SDC2: variants seen among roughly 807,000 people sequenced by gnomAD.
SDC2 encodes the protein syndecan-2.
SDC2 carries 13 observed loss-of-function variants against 22.2 expected under a neutral mutation model. The ratio of observed to expected loss-of-function variants is 0.59; its 90% confidence interval spans 0.38 to 0.93. SDC2 has a LOEUF of 0.93. Among genes scored for constraint, SDC2 ranks in the 40% least tolerant of loss-of-function variants. The pLI is 0.00. For missense variants in SDC2, 235 were observed against 246.8 expected, an observed-to-expected ratio of 0.95 and a Z score of 0.32; for synonymous variants, 94 against 92.8, an observed-to-expected ratio of 1.01 and a Z score of -0.07.
intron 1 of SDC2, among the ~76,000 whole-genome samples, chr8:96,568,184 G>A (rs536242918): frequency 6.6e-5 from 10 of 152,262 alleles, no homozygotes; most frequent in South Asian, 6.2e-4. Flanking sequence ...CAAAGCCTGC[G>A]GGTTTTCCTC....
chr8:96,522,651 G>GTATTATAT (rs1813514396), intron 1 of SDC2, among the ~76,000 whole-genome samples: 1 of 152,138 alleles, frequency 6.6e-6, no homozygotes, highest in Non-Finnish European at 1.5e-5. Context: ...TCTAGTTTAT[G>GTATTATAT]GGATGTATTA....
chr8:96,508,178 C>G (rs951708319), intron 1 of SDC2, among the ~76,000 whole-genome samples: 2 of 152,010 alleles, frequency 1.3e-5, no homozygotes, highest in Non-Finnish European at 2.9e-5. Context: ...CGCCTGTGGT[C>G]CCAGCTACTT....
At chr8:96,551,529 A>G (rs921369148) in intron 1 of SDC2, among the ~76,000 whole-genome samples, 1 of 152,180 alleles carries the variant, frequency 6.6e-6, no homozygotes, top group African/African-American at 2.4e-5. Flanking sequence ...GAGACAGAGC[A>G]GTTCAGTAAC....
At chr8:96,557,563 G>T (rs1411660364) in intron 1 of SDC2, among the ~76,000 whole-genome samples, 5 of 150,098 alleles carry the variant, frequency 3.3e-5, no homozygotes, top group African/African-American at 1.2e-4. Context: ...CTCATAGGTG[G>T]GAACTGAACA....
At chr8:96,503,920 T>C (rs1055133774) in intron 1 of SDC2, among the ~76,000 whole-genome samples, 2 of 152,218 alleles carry the variant, frequency 1.3e-5, no homozygotes, top group Admixed American at 1.3e-4. Flanking sequence ...TATAGGCCAA[T>C]GTCATCTATA....
Position 96,569,192 on chromosome 8 carries a change from A to G in SDC2, c.61-24288A>G, listed in dbSNP as rs144262522. Among the ~76,000 whole-genome samples the G allele has an allele frequency of 3.1e-3, 468 of 152,270 alleles. 3 individuals are homozygous for G. The highest frequency in any genetic ancestry group is 0.011 in the African/African-American group (444 of 41,540). On this transcript the variant is annotated intron_variant, in intron 1 of 4. Transcript: ENST00000302190. ...CCGGATAATTTTTAAAATGTTTTGTAGAGACAGGGTCTCACTACGTTGCTC... is the reference window on the plus strand; with the variant it reads ...CCGGATAATTTTTAAAATGTTTTGTGGAGACAGGGTCTCACTACGTTGCTC...
At chr8:96,590,219 T>C (rs546047149) in intron 1 of SDC2, among the ~76,000 whole-genome samples, 37 of 152,372 alleles carry the variant, frequency 2.4e-4, no homozygotes, top group African/African-American at 8.2e-4. Flanking sequence ...CAGCTTGTAC[T>C]CTGGACCCTG....
intron 2 of SDC2, among the ~76,000 whole-genome samples, chr8:96,595,157 G>A (rs1290123586): frequency 2.0e-5 from 3 of 152,132 alleles, no homozygotes; most frequent in Non-Finnish European, 4.4e-5. Flanking sequence ...TTGCTTTAGG[G>A]TTTTTATAAC....
chr8:96,566,857 T>C (rs1219495447), intron 1 of SDC2, among the ~76,000 whole-genome samples: 1 of 152,096 alleles, frequency 6.6e-6, no homozygotes, highest in Non-Finnish European at 1.5e-5. Flanking sequence ...ATATCTTTAT[T>C]TTTATTTTAT....
intron 3 of SDC2, among the ~76,000 whole-genome samples, chr8:96,607,832 C>T (rs1458744185): frequency 1.3e-5 from 2 of 152,068 alleles, no homozygotes; most frequent in African/African-American, 4.8e-5. Context: ...TAGGGGGAAG[C>T]ATTAGGAGTA....
intron 1 of SDC2, among the ~76,000 whole-genome samples, chr8:96,515,738 G>A (rs1192399119): frequency 2.0e-5 from 3 of 152,134 alleles, no homozygotes; most frequent in Non-Finnish European, 4.4e-5. Flanking sequence ...ATGAGGCCAC[G>A]GGTATTGTAT....
At chr8:96,502,489 T>G (rs1370834911) in intron 1 of SDC2, among the ~76,000 whole-genome samples, 2 of 95,632 alleles carry the variant, frequency 2.1e-5, no homozygotes, top group Non-Finnish European at 5.3e-5. Context: ...CTACATGACT[T>G]GATATACTGG....
At chr8:96,596,604 T>C (rs1563675813) in intron 2 of SDC2, among the ~76,000 whole-genome samples, 2 of 152,294 alleles carry the variant, frequency 1.3e-5, no homozygotes, top group East Asian at 1.9e-4. Flanking sequence ...GAAATAATCA[T>C]TGTGATACCC....
intron 2 of SDC2, among the ~76,000 whole-genome samples, chr8:96,595,167 C>T (rs996476032): frequency 6.6e-6 from 1 of 152,182 alleles, no homozygotes; most frequent in Admixed American, 6.5e-5. Context: ...GTTTTTATAA[C>T]AGATTCAACA....
chr8:96,578,555 C>T (rs779739298), intron 1 of SDC2, among the ~76,000 whole-genome samples: 20 of 152,166 alleles, frequency 1.3e-4, no homozygotes, highest in Non-Finnish European at 2.4e-4. Flanking sequence ...CTCTTTAATG[C>T]TTAGCTCTTT....
intron 1 of SDC2, among the ~76,000 whole-genome samples, chr8:96,548,949 A>G (rs1586293875): frequency 6.6e-6 from 1 of 152,168 alleles, no homozygotes; most frequent in African/African-American, 2.4e-5. Flanking sequence ...AAAACAGGGT[A>G]CACGTGGAGT....
intron 1 of SDC2, among the ~76,000 whole-genome samples, chr8:96,544,492 T>C (rs1307988064): frequency 1.3e-5 from 2 of 152,310 alleles, no homozygotes; most frequent in South Asian, 4.1e-4. Flanking sequence ...CTCAATGATG[T>C]TTTCTCTGTT....
chr8:96,595,362 C>A (rs540435730), intron 2 of SDC2, among the ~76,000 whole-genome samples: 121 of 152,264 alleles, frequency 7.9e-4, no homozygotes, highest in Non-Finnish European at 1.4e-3. Flanking sequence ...GACCTAGTAA[C>A]AATGAGCTTA....
rs775843081 is a variant in SDC2 at position 96,494,244 on chromosome 8, G to A, written c.-28G>A. On this transcript the variant is annotated 5_prime_UTR_variant, in exon 1 of 5. Transcript: ENST00000302190. ...TCGTTTTGCCCTGGTTGCAAGCAGCGGCTGGGAGCAGCCGGTCCCTGGGGA... is the reference window on the plus strand; with the variant it reads ...TCGTTTTGCCCTGGTTGCAAGCAGCAGCTGGGAGCAGCCGGTCCCTGGGGA... 8 of 1,541,242 alleles carry A rather than the reference G, an allele frequency of 5.2e-6. No homozygotes were observed. The highest frequency in any genetic ancestry group is 1.2e-5 in the South Asian group (1 of 83,862).
Sources: gnomAD v4.1 joint callset for allele counts (sites outside exome capture counted in the v4.1 genomes callset) on GRCh38, gnomAD v4.1.1 for gene constraint, MANE v1.5 for transcripts, NCBI Gene and HGNC (gene_info 2026-07-23, HGNC 2026-07-21) for gene names.